The following DISC1 variants were observed in gnomAD, a reference collection of about 807,000 sequenced individuals.
The protein encoded by DISC1 is disrupted in schizophrenia 1 protein.
A neutral mutation model predicts 84.5 loss-of-function variants in DISC1; 57 were observed. The ratio of observed to expected loss-of-function variants is 0.67; its 90% CI spans 0.55 to 0.84. The LOEUF (loss-of-function observed/expected upper bound fraction) is 0.84. DISC1 is among the 40% of genes least tolerant of loss of function. The pLI is 0.00. For missense variants in DISC1, 1,000 were observed against 1,057.8 expected, an observed-to-expected ratio of 0.95 and a Z score of 0.76; for synonymous variants, 411 against 415.2, an observed-to-expected ratio of 0.99 and a Z score of 0.12.
At chr1:231,846,771 A>G (rs555837803) in intron 9 of DISC1, among the ~76,000 whole-genome samples, 2 of 152,368 alleles carry the variant, frequency 1.3e-5, no homozygotes, top group African/African-American at 4.8e-5. Context: ...CTTAGCTGAA[A>G]GAAACTCAGG....
At chr1:231,888,842 A>G (rs1377155242) in intron 9 of DISC1, among the ~76,000 whole-genome samples, 2 of 151,490 alleles carry the variant, frequency 1.3e-5, no homozygotes, top group African/African-American at 4.9e-5. Context: ...TCTCCTGCTC[A>G]GGGGCCCAGA....
At chr1:231,868,695 TATATATATA>T (rs1558670188) in intron 9 of DISC1, among the ~76,000 whole-genome samples, 2 of 1,946 alleles carry the variant, frequency 1.0e-3, no homozygotes, top group Non-Finnish European at 7.8e-4. Context: ...CCATCTCTTA[TATATATATA>T]TATATATATA....
chr1:231,900,835 T>C (rs2088114744), intron 9 of DISC1, among the ~76,000 whole-genome samples: 2 of 152,178 alleles, frequency 1.3e-5, no homozygotes, highest in Non-Finnish European at 2.9e-5. Flanking sequence ...TCAGACTAGT[T>C]TCATTCATCA....
chr1:231,800,153 A>G lies in DISC1; in HGVS notation c.1735A>G (p.Asn579Asp). The change falls in exon 8 of 13, where the codon AAC becomes GAC. Residue 579 changes from asparagine to aspartate, a missense_variant. Asn to Asp is a conservative substitution (Grantham distance 23). Coordinates refer to ENST00000439617, the MANE Select transcript of DISC1 (RefSeq NM_018662.3). ...CTGCAGCACCCTGAGGAAGAAAGTTAACGATATTGAAACCCAACTACCAGC... is the reference window on the plus strand; with the variant it reads ...CTGCAGCACCCTGAGGAAGAAAGTTGACGATATTGAAACCCAACTACCAGC... ...KFCSTLRKKV[N>D]DIETQLPALL... 6.2e-7 allele frequency: 1 copy of G among 1,611,884 alleles called. No homozygotes were observed. Among genetic ancestry groups the G allele is most frequent in the Non-Finnish European group, 8.5e-7 (1 of 1,179,708 alleles).
At chr1:231,913,727 C>T (rs1261288543) in intron 9 of DISC1, among the ~76,000 whole-genome samples, 2 of 152,228 alleles carry the variant, frequency 1.3e-5, no homozygotes, top group Non-Finnish European at 2.9e-5. Flanking sequence ...ACTCTTTCCT[C>T]TGATTTCCCC....
At chr1:231,749,899 C>T (rs375010273) in intron 3 of DISC1, 27 bp from the exon 4 acceptor site, 1 of 1,612,682 alleles carries the variant, frequency 6.2e-7, no homozygotes, top group Non-Finnish European at 8.5e-7. Flanking sequence ...TTCTTTTTTC[C>T]TCTCTCTCAT....
Position 232,037,703 on chromosome 1 carries a change from G to A in DISC1, c.*872G>A, listed in dbSNP as rs979233380. 1 of 152,208 alleles carries A rather than the reference G, an allele frequency of 6.6e-6. No homozygotes were observed. The highest frequency in any genetic ancestry group is 1.5e-5 in the Non-Finnish European group (1 of 68,162). The allele number at this position is 152,208 out of a possible 1,614,324, so 9.4% of individuals were successfully genotyped here. ...TAACACAATACAGTACTCAGGCAGT[G>A]CAGTACTCAGTAAGACAGTGCAGTG... On this transcript the variant is annotated 3_prime_UTR_variant, in exon 13 of 13. Coordinates refer to ENST00000439617, the MANE Select transcript of DISC1 (RefSeq NM_018662.3).
chr1:231,680,074 A>G (rs1261105722), intron 1 of DISC1, among the ~76,000 whole-genome samples: 1 of 152,152 alleles, frequency 6.6e-6, no homozygotes, highest in East Asian at 1.9e-4. Context: ...CTAAAAATAC[A>G]GAAGTTAGCC....
intron 3 of DISC1, among the ~76,000 whole-genome samples, chr1:231,707,153 G>A (rs2067189803): frequency 6.6e-6 from 1 of 152,190 alleles, no homozygotes; most frequent in Non-Finnish European, 1.5e-5. Context: ...GATGCCATCT[G>A]GGGGCCCATG....
Position 231,937,407 on chromosome 1 carries a change from C to T in DISC1, c.1982-21421C>T, listed in dbSNP as rs76698055. On this transcript the variant is annotated intron_variant, in intron 9 of 12. Coordinates refer to ENST00000439617, the MANE Select transcript of DISC1 (RefSeq NM_018662.3). ...ATAGGCATTTAGTGCTTTCAGAGATCAGGGGGATCGATCTCAGGGGATTTA... is the reference window on the plus strand; with the variant it reads ...ATAGGCATTTAGTGCTTTCAGAGATTAGGGGGATCGATCTCAGGGGATTTA... 1.9e-3 allele frequency among the ~76,000 whole-genome samples: 288 copies of T among 152,286 alleles called. 2 individuals are homozygous for T. The highest frequency in any genetic ancestry group is 6.8e-3 in the African/African-American group (282 of 41,564).
intron 9 of DISC1, among the ~76,000 whole-genome samples, chr1:231,844,486 A>G (rs950338648): frequency 4.6e-5 from 7 of 152,128 alleles, no homozygotes; most frequent in Admixed American, 1.3e-4. Context: ...TAGGGTTTTC[A>G]TGGAGCTTGG....
intron 3 of DISC1, chr1:231,702,307 C>T: frequency 8.8e-7 from 1 of 1,134,570 alleles, no homozygotes; most frequent in African/African-American, 1.7e-5. Context: ...ACCTGTCTGC[C>T]CATGGTGTGA....
intron 9 of DISC1, among the ~76,000 whole-genome samples, chr1:231,950,434 T>C (rs993145638): frequency 2.6e-5 from 4 of 152,168 alleles, no homozygotes; most frequent in Non-Finnish European, 4.4e-5. Context: ...CAAACCCAAA[T>C]ATGCCTGCTG....
intron 9 of DISC1, among the ~76,000 whole-genome samples, chr1:231,922,126 G>T (rs1370012280): frequency 6.6e-6 from 1 of 152,144 alleles, no homozygotes; most frequent in African/African-American, 2.4e-5. Context: ...CTTTGGGCAA[G>T]TCACATACCT....
At chr1:231,670,216 G>A (rs2062467427) in intron 1 of DISC1, among the ~76,000 whole-genome samples, 2 of 152,236 alleles carry the variant, frequency 1.3e-5, no homozygotes, top group Middle Eastern at 3.4e-3. Flanking sequence ...TTGAAGAATT[G>A]GAGGGTTGAA....
intron 10 of DISC1, among the ~76,000 whole-genome samples, chr1:232,004,962 T>TTCCTTCCA (rs1667202231): frequency 8.8e-6 from 1 of 113,060 alleles, no homozygotes; most frequent in African/African-American, 3.9e-5. Flanking sequence ...CCTTCCTTCC[T>TTCCTTCCA]TCCTTCTTCC....
Position 231,897,317 on chromosome 1 carries a change from G to A in DISC1, c.1982-61511G>A. On this transcript the variant is annotated intron_variant, in intron 9 of 12. Coordinates refer to ENST00000439617, the MANE Select transcript of DISC1 (RefSeq NM_018662.3). This position sits in a 1 kb window ranked among gnomAD's most constrained non-coding sequence, Gnocchi z 4.5. ...TAGTCAAACCTGATATAGCTTCTTT[G>A]TCACTGTGTCTTTTCCTTGAAATGA... Among the ~76,000 whole-genome samples, 1 of 152,168 alleles carries A rather than the reference G, an allele frequency of 6.6e-6. No individual in the cohort carries two copies. Among genetic ancestry groups the A allele is most frequent in the South Asian group, 2.1e-4 (1 of 4,826 alleles).
At chr1:232,024,629 G>T (rs1419424831) in intron 11 of DISC1, among the ~76,000 whole-genome samples, 1 of 151,164 alleles carries the variant, frequency 6.6e-6, no homozygotes, top group African/African-American at 2.4e-5. Flanking sequence ...GTCTTGCTCT[G>T]TTGTCCAGGC....
At chr1:231,787,202 A>C (rs566597333) in intron 6 of DISC1, among the ~76,000 whole-genome samples, 42 of 152,290 alleles carry the variant, frequency 2.8e-4, no homozygotes, top group African/African-American at 9.9e-4. Flanking sequence ...TCTCTAACCA[A>C]ATAGATGCCC....
Sources: allele counts gnomAD v4.1 joint callset (sites outside exome capture counted in the v4.1 genomes callset), GRCh38; gene constraint gnomAD v4.1.1; non-coding constraint Gnocchi (gnomAD v3.1); transcripts MANE v1.5; gene names NCBI Gene and HGNC (gene_info 2026-07-23, HGNC 2026-07-21).